Variants in ITGA8 observed in about 807,000 individuals in gnomAD.
ITGA8 encodes integrin subunit alpha 8, also known as integrin alpha-8.
Under a neutral mutation model 142.3 loss-of-function variants are expected in ITGA8, and 91 were observed. The observed-to-expected ratio is 0.64, with a 90% confidence interval of 0.54 to 0.76. The LOEUF is 0.76. ITGA8 is among the 30% of genes least tolerant of loss of function. The probability of loss-of-function intolerance (pLI) is 0.00; values close to 1 mark genes in which losing one functional copy is unlikely to be tolerated. For missense variants in ITGA8, 1,406 were observed against 1,327.7 expected (o/e 1.06, Z -0.92); for synonymous variants, 505 against 485.2 (o/e 1.04, Z -0.54).
chr10:15,610,720 A>AAAGTACAAAG (rs1342387786), intron 15 of ITGA8, among the ~76,000 whole-genome samples: 1 of 152,202 alleles, frequency 6.6e-6, no homozygotes, highest in African/African-American at 2.4e-5. Flanking sequence ...AATGTGAAAC[A>AAAGTACAAAG]CGATTTAAAA....
At chr10:15,602,999 G>A (rs988732692) in intron 20 of ITGA8, among the ~76,000 whole-genome samples, 6 of 151,020 alleles carry the variant, frequency 4.0e-5, no homozygotes, top group African/African-American at 1.5e-4. Context: ...CAAAACAGCA[G>A]TACATATTTA....
chr10:15,579,824 T>A (rs1328213551), intron 23 of ITGA8, among the ~76,000 whole-genome samples: 2 of 151,922 alleles, frequency 1.3e-5, no homozygotes, highest in Non-Finnish European at 2.9e-5. Context: ...GAAAATATTT[T>A]GAGCTGAGTT....
At chr10:15,629,999 T>A (rs1466019961) in intron 13 of ITGA8, among the ~76,000 whole-genome samples, 1 of 152,048 alleles carries the variant, frequency 6.6e-6, no homozygotes. Context: ...TCTCCAGGAA[T>A]GCATCCTTAA....
chr10:15,683,556 A>C (rs556255477), intron 4 of ITGA8, among the ~76,000 whole-genome samples: 1 of 152,368 alleles, frequency 6.6e-6, no homozygotes, highest in East Asian at 1.9e-4. Flanking sequence ...GACAATCTGC[A>C]TACACAGCTG....
chr10:15,524,512 G>A (rs181892943), intron 28 of ITGA8, among the ~76,000 whole-genome samples: 2 of 152,322 alleles, frequency 1.3e-5, no homozygotes, highest in African/African-American at 4.8e-5. Flanking sequence ...TCACGTATAT[G>A]TCTCGGCAAG....
chr10:15,682,567 T>G (rs866827975), intron 4 of ITGA8, among the ~76,000 whole-genome samples: 9 of 152,142 alleles, frequency 5.9e-5, no homozygotes, highest in Non-Finnish European at 1.2e-4. Context: ...TCAGGTTAAA[T>G]GTTCAAGCCA....
At chr10:15,704,635 C>G (rs1341920960) in intron 2 of ITGA8, among the ~76,000 whole-genome samples, 2 of 152,192 alleles carry the variant, frequency 1.3e-5, no homozygotes, top group African/African-American at 4.8e-5. Context: ...TGAGAACTCT[C>G]AATATGGCTT....
At chr10:15,687,075 A>C (rs1027642875) in intron 3 of ITGA8, among the ~76,000 whole-genome samples, 2 of 152,170 alleles carry the variant, frequency 1.3e-5, no homozygotes, top group Non-Finnish European at 2.9e-5. Flanking sequence ...CTCTACAAAA[A>C]CTATATTGTG....
chr10:15,602,548 G>T (rs1195922736), intron 20 of ITGA8, among the ~76,000 whole-genome samples: 1 of 152,076 alleles, frequency 6.6e-6, no homozygotes, highest in Non-Finnish European at 1.5e-5. Context: ...GACCAGCCTG[G>T]GCCATATAGC....
At chr10:15,539,451 A>G (rs182093338) in intron 27 of ITGA8, among the ~76,000 whole-genome samples, 5 of 152,294 alleles carry the variant, frequency 3.3e-5, no homozygotes, top group African/African-American at 1.2e-4. Context: ...GACATTTGAC[A>G]CTATCTCCCC....
intron 8 of ITGA8, among the ~76,000 whole-genome samples, chr10:15,664,888 G>C (rs1223766878): frequency 6.6e-6 from 1 of 151,938 alleles, no homozygotes; most frequent in Non-Finnish European, 1.5e-5. Flanking sequence ...GTGTATATGT[G>C]CCACATTTTC....
chr10:15,629,852 C>A (rs146708392), intron 13 of ITGA8, among the ~76,000 whole-genome samples: 2 of 152,076 alleles, frequency 1.3e-5, no homozygotes, highest in East Asian at 3.9e-4. Flanking sequence ...CTCTTGAACC[C>A]GGGAAGCAGA....
Position 15,607,756 on chromosome 10 carries a change from T to C in ITGA8, c.1685A>G (p.His562Arg), listed in dbSNP as rs1409925308. Residue 562 changes from histidine (H) to arginine (R), a missense_variant, in exon 17 of 30, where the codon CAT becomes CGT. Coordinates refer to ENST00000378076, the MANE Select transcript of ITGA8 (RefSeq NM_003638.3). The part of the protein sequence containing the change: ...AIKRTLFLDN[H>R]QAHRVFPLVI... The stretch of plus-strand genomic sequence containing the variant: ...AAGAGGGAAGACGCGATGAGCCTGA[T>C]GGTTATCAAGGAAGAGCGTCCGTTT... 1 of 1,612,700 alleles carries C rather than the reference T, an allele frequency of 6.2e-7. No homozygotes were observed. The highest frequency in any genetic ancestry group is 1.3e-5 in the African/African-American group (1 of 74,900).
At chr10:15,719,035 T>G in intron 1 of ITGA8, 136 bp from the exon 2 acceptor site, 1 of 1,314,264 alleles carries the variant, frequency 7.6e-7, no homozygotes, top group Non-Finnish European at 1.0e-6. Context: ...GAGGACCGAC[T>G]GTCAAACTTG....
At chr10:15,617,991 G>A (rs1463779797) in intron 13 of ITGA8, among the ~76,000 whole-genome samples, 2 of 152,164 alleles carry the variant, frequency 1.3e-5, no homozygotes, top group Non-Finnish European at 2.9e-5. Context: ...ATCAAATATT[G>A]CATGTTCTCA....
intron 7 of ITGA8, among the ~76,000 whole-genome samples, chr10:15,672,254 A>G (rs1363996384): frequency 1.1e-4 from 16 of 152,230 alleles, no homozygotes; most frequent in South Asian, 8.3e-4. Context: ...TGTGCATAAT[A>G]TAATTTGAGA....
chr10:15,690,941 A>T (rs1834922351), intron 2 of ITGA8, among the ~76,000 whole-genome samples: 1 of 152,196 alleles, frequency 6.6e-6, no homozygotes, highest in East Asian at 1.9e-4. Flanking sequence ...AATATTTGCA[A>T]ACTATACGTA....
chr10:15,605,045 G>T (rs1833169726), intron 19 of ITGA8, among the ~76,000 whole-genome samples: 1 of 152,122 alleles, frequency 6.6e-6, no homozygotes, highest in Non-Finnish European at 1.5e-5. Context: ...AAGTCCCTCT[G>T]AGAAGTTACC....
At chr10:15,699,648 C>T (rs1835124450) in intron 2 of ITGA8, among the ~76,000 whole-genome samples, 1 of 152,170 alleles carries the variant, frequency 6.6e-6, no homozygotes, top group African/African-American at 2.4e-5. Flanking sequence ...ATATATCCAC[C>T]TCCATGTGCC....
Sources: allele counts gnomAD v4.1 joint callset (sites outside exome capture counted in the v4.1 genomes callset), GRCh38; gene constraint gnomAD v4.1.1; transcripts MANE v1.5; gene names NCBI Gene and HGNC (gene_info 2026-07-23, HGNC 2026-07-21).